NEGR1: variants seen among roughly 807,000 people sequenced by gnomAD.
NEGR1 encodes neuronal growth regulator 1, also known as IgLON family member 4.
A neutral mutation model predicts 40.9 loss-of-function variants in NEGR1; 10 were observed. The observed-to-expected ratio is 0.24, with a 90% CI of 0.15 to 0.42. NEGR1 has a LOEUF of 0.42. Among genes scored for constraint, NEGR1 ranks in the 10% least tolerant of loss-of-function variants. The probability of loss-of-function intolerance (pLI) is 1.00; values close to 1 mark genes in which losing one functional copy is unlikely to be tolerated. For missense variants in NEGR1, 352 were observed against 438.9 expected (o/e 0.80, Z 1.77); for synonymous variants, 185 against 166.8 (o/e 1.11, Z -0.84).
At chr1:71,505,118 G>A (rs186208711) in intron 6 of NEGR1, among the ~76,000 whole-genome samples, 5 of 152,208 alleles carry the variant, frequency 3.3e-5, no homozygotes, top group African/African-American at 1.2e-4. Context: ...GGGATTCATT[G>A]AAGAAGGACT....
intron 4 of NEGR1, among the ~76,000 whole-genome samples, chr1:71,693,358 T>C (rs1055995247): frequency 6.6e-6 from 1 of 151,678 alleles, no homozygotes; most frequent in Non-Finnish European, 1.5e-5. Context: ...TGGAGGACTC[T>C]AAACTGTTTA....
chr1:71,766,697 C>T (rs759290896), intron 3 of NEGR1, among the ~76,000 whole-genome samples: 33 of 152,304 alleles, frequency 2.2e-4, no homozygotes, highest in South Asian at 8.3e-4. Flanking sequence ...TTTTGATCTG[C>T]ATCCCCACTC....
At chr1:72,193,129 G>T (rs2100432486) in intron 1 of NEGR1, among the ~76,000 whole-genome samples, 1 of 151,764 alleles carries the variant, frequency 6.6e-6, no homozygotes, top group African/African-American at 2.4e-5. Flanking sequence ...TAAGACAATA[G>T]AAAAATCAAT....
At chr1:71,628,700 T>A (rs1447760612) in intron 4 of NEGR1, among the ~76,000 whole-genome samples, 1 of 151,952 alleles carries the variant, frequency 6.6e-6, no homozygotes, top group Admixed American at 6.6e-5. Flanking sequence ...TTGCTGAGAA[T>A]GATGGTTTCC....
chr1:71,992,687 G>A (rs1258967699), intron 1 of NEGR1, among the ~76,000 whole-genome samples: 4 of 124,372 alleles, frequency 3.2e-5, no homozygotes, highest in Non-Finnish European at 7.1e-5. Context: ...AAAGTGTTCA[G>A]TAGCCACACA....
chr1:71,420,130 A>G (rs1646385127), intron 6 of NEGR1, among the ~76,000 whole-genome samples: 1 of 152,088 alleles, frequency 6.6e-6, no homozygotes, highest in African/African-American at 2.4e-5. Flanking sequence ...CTGCATTAAT[A>G]AATGTTTCAG....
intron 4 of NEGR1, among the ~76,000 whole-genome samples, chr1:71,676,938 G>T (rs1051659550): frequency 2.0e-5 from 3 of 152,174 alleles, no homozygotes; most frequent in Admixed American, 1.3e-4. Context: ...ACTGGAAGGA[G>T]TGTAAGTTGC....
At chr1:71,653,294 T>C (rs1248418005) in intron 4 of NEGR1, among the ~76,000 whole-genome samples, 2 of 152,226 alleles carry the variant, frequency 1.3e-5, no homozygotes, top group Non-Finnish European at 2.9e-5. Flanking sequence ...TGAAGACATA[T>C]ACACATACTT....
intron 1 of NEGR1, among the ~76,000 whole-genome samples, chr1:72,041,091 C>G (rs981587902): frequency 6.6e-6 from 1 of 151,888 alleles, no homozygotes; most frequent in Non-Finnish European, 1.5e-5. Flanking sequence ...GACAAAGTAC[C>G]ACTAATTCAA....
chr1:72,035,509 G>A (rs907137105), intron 1 of NEGR1, among the ~76,000 whole-genome samples: 2 of 152,142 alleles, frequency 1.3e-5, no homozygotes, highest in African/African-American at 4.8e-5. Context: ...ACTAAACATG[G>A]CATTCAGACT....
intron 1 of NEGR1, among the ~76,000 whole-genome samples, chr1:72,075,535 C>T (rs1403028417): frequency 6.6e-6 from 1 of 152,118 alleles, no homozygotes; most frequent in African/African-American, 2.4e-5. Flanking sequence ...AAAAATATTT[C>T]AGCAGTGTCA....
intron 1 of NEGR1, among the ~76,000 whole-genome samples, chr1:72,243,685 A>C (rs1230059787): frequency 6.6e-6 from 1 of 151,800 alleles, no homozygotes; most frequent in African/African-American, 2.4e-5. Flanking sequence ...ATTATAACAA[A>C]TTATAAAACC....
At chr1:71,723,522 C>G (rs1654577938) in intron 3 of NEGR1, among the ~76,000 whole-genome samples, 1 of 151,900 alleles carries the variant, frequency 6.6e-6, no homozygotes. Context: ...TTCATAAAAC[C>G]CCCTATCCAA....
At chr1:71,917,669 C>T (rs1047609746) in intron 2 of NEGR1, among the ~76,000 whole-genome samples, 3 of 150,626 alleles carry the variant, frequency 2.0e-5, no homozygotes, top group Admixed American at 1.3e-4. Flanking sequence ...TCGCCAGCTA[C>T]TCGGAGAGGC....
intron 3 of NEGR1, among the ~76,000 whole-genome samples, chr1:71,763,027 A>T (rs1655998090): frequency 6.6e-6 from 1 of 152,088 alleles, no homozygotes; most frequent in Non-Finnish European, 1.5e-5. Context: ...GCTAAAAATA[A>T]AAAGGGGGTT....
intron 2 of NEGR1, among the ~76,000 whole-genome samples, chr1:71,781,334 C>A (rs4649950): frequency 0.76 from 115,809 of 152,120 alleles, 46,358 homozygotes; most frequent in Non-Finnish European, 0.88. Flanking sequence ...TATTAACTTG[C>A]ATGACCTGTG....
intron 1 of NEGR1, among the ~76,000 whole-genome samples, chr1:72,105,028 T>C (rs74087111): frequency 0.03 from 4,567 of 152,178 alleles, 177 homozygotes; most frequent in African/African-American, 0.087. Flanking sequence ...GGAAAGTTTG[T>C]TGGAAGACTT....
intron 2 of NEGR1, among the ~76,000 whole-genome samples, chr1:71,933,363 AG>A (rs1175683250): frequency 6.6e-6 from 1 of 152,086 alleles, no homozygotes; most frequent in East Asian, 1.9e-4. Flanking sequence ...GAATGGAAAA[AG>A]GAAAATGGAA....
At chr1:71,564,773 A>G (rs1352092809) in intron 6 of NEGR1, among the ~76,000 whole-genome samples, 1 of 152,148 alleles carries the variant, frequency 6.6e-6, no homozygotes, top group African/African-American at 2.4e-5. Context: ...ATGTTTCACA[A>G]GGATAAAACT....
Sources: gnomAD v4.1 joint callset for allele counts (sites outside exome capture counted in the v4.1 genomes callset) on GRCh38, gnomAD v4.1.1 for gene constraint, MANE v1.5 for transcripts, NCBI Gene and HGNC (gene_info 2026-07-23, HGNC 2026-07-21) for gene names.